The following MAP3K15 variants were observed in gnomAD, a reference collection of about 807,000 sequenced individuals.
The protein encoded by MAP3K15 is MAPK/ERK kinase kinase 15.
In MAP3K15, 124 loss-of-function variants were observed where a neutral mutation model predicts 99.5. That is an observed-to-expected ratio of 1.25 (90% confidence interval 1.08 to 1.45). The LOEUF is 1.45. Among genes scored for constraint, MAP3K15 ranks in the 40% most tolerant of loss-of-function variants. The pLI is 0.00. For missense variants in MAP3K15, 1,242 were observed against 1,079.7 expected (o/e 1.15, Z -2.11); for synonymous variants, 494 against 439.6 (o/e 1.12, Z -1.55).
chrX:19,473,354 G>A (rs894462563), intron 3 of MAP3K15, among the ~76,000 whole-genome samples: 1 of 112,003 alleles, frequency 8.9e-6, no homozygotes, highest in Non-Finnish European at 1.9e-5. Flanking sequence ...ACATCTTCAA[G>A]TGATGGAACA....
intron 1 of MAP3K15, among the ~76,000 whole-genome samples, chrX:19,501,117 C>T (rs973442990): frequency 9.0e-6 from 1 of 111,434 alleles, no homozygotes; most frequent in African/African-American, 3.3e-5. Flanking sequence ...CAACAGAAGA[C>T]AGCTGAGGTC....
At chrX:19,408,048 T>C (rs1408067974) in intron 12 of MAP3K15, among the ~76,000 whole-genome samples, 2 of 112,431 alleles carry the variant, frequency 1.8e-5, no homozygotes, top group Admixed American at 1.9e-4. Context: ...TGACAAACAC[T>C]GGGTTGGAAC....
intron 27 of MAP3K15, 30 bp from the exon 28 acceptor site, chrX:19,361,445 G>C (rs781550393): frequency 1.4e-5 from 17 of 1,187,425 alleles, no homozygotes; most frequent in Non-Finnish European, 1.9e-5. Context: ...CTTAAGAGCT[G>C]AGCAGCTGTG....
chrX:19,492,004 A>T (rs1217068337), intron 1 of MAP3K15, among the ~76,000 whole-genome samples: 31 of 104,453 alleles, frequency 3.0e-4, no homozygotes, highest in African/African-American at 1.0e-3. Context: ...TTTTTTTTTT[A>T]AACAGAGATG....
chrX:19,478,932 C>A (rs1267182105), intron 3 of MAP3K15, among the ~76,000 whole-genome samples: 4 of 31,469 alleles, frequency 1.3e-4, no homozygotes, highest in Admixed American at 4.8e-4. Context: ...CCCAGTAATT[C>A]TCCTGGGGGA....
In MAP3K15 at chrX:19,460,054, G is replaced by A; in HGVS notation, c.819C>T (p.Arg273=). 1.7e-6 allele frequency: 2 copies of A among 1,195,564 alleles called. No homozygotes were observed. Among genetic ancestry groups the A allele is most frequent in the African/African-American group, 1.7e-5 (1 of 57,703 alleles). ...AGGTCAGAACCTCAGTATTATCCAT[G>A]CGGAGCTTGATCCGAGCTAGCTCCT... ...LAKELARIKL[R]MDNTEVLTSD... Residue 273 remains arginine, a synonymous_variant, in exon 5 of 29, where the codon CGC becomes CGT. Transcript: ENST00000338883.
intron 3 of MAP3K15, among the ~76,000 whole-genome samples, chrX:19,480,207 G>C (rs775104834): frequency 4.5e-5 from 5 of 111,648 alleles, no homozygotes; most frequent in Non-Finnish European, 9.4e-5. Context: ...GTCAATACCA[G>C]CCAAGCAATC....
chrX:19,363,082 G>A (rs2063305572), intron 25 of MAP3K15, among the ~76,000 whole-genome samples: 1 of 111,996 alleles, frequency 8.9e-6, no homozygotes, highest in Non-Finnish European at 1.9e-5. Flanking sequence ...GACAACAAAG[G>A]CCAGTGCTCA....
chrX:19,382,455 T>C (rs73455603), intron 18 of MAP3K15, among the ~76,000 whole-genome samples: 42 of 111,753 alleles, frequency 3.8e-4, no homozygotes, highest in Middle Eastern at 4.6e-3. Context: ...ACTAGCCTCA[T>C]ATATTTGACT....
chrX:19,390,311 T>C (rs1167110107), intron 18 of MAP3K15, among the ~76,000 whole-genome samples: 3 of 89,671 alleles, frequency 3.3e-5, no homozygotes, highest in African/African-American at 1.3e-4. Context: ...TTCTTTTTTT[T>C]TTTTTTTTTT....
rs752501228 is a variant in MAP3K15 at position 19,463,898 on chromosome X, C to A, written c.719+315G>T. On this transcript the variant is annotated intron_variant, in intron 4 of 28. Transcript: ENST00000338883. The stretch of plus-strand genomic sequence containing the variant: ...ACAGGATCTCAGAGCTGAAAGAGAT[C>A]GTTAAAAAAAAAAAAATCACTGACA... Among the ~76,000 whole-genome samples the A allele has an allele frequency of 3.7e-5, 4 of 107,245 alleles. No individual in the cohort carries two copies. In the East Asian group the frequency reaches 8.7e-4, roughly 23 times the overall value. 93.1% of individuals were successfully genotyped at this position (107,245 alleles called of 115,157 possible). A position where few individuals can be genotyped will look rare whatever the true frequency, so the allele number is the denominator to read the frequency against.
chrX:19,490,852 T>A (rs1008002117), intron 1 of MAP3K15, among the ~76,000 whole-genome samples: 2 of 111,558 alleles, frequency 1.8e-5, no homozygotes, highest in African/African-American at 6.5e-5. Context: ...ATAATGAGCA[T>A]GTTTAAATTA....
Position 19,413,330 on chromosome X carries a change from A to C in MAP3K15, c.1698+27T>G, listed in dbSNP as rs760729676. 1.8e-5 allele frequency: 20 copies of C among 1,117,384 alleles called. No homozygotes were observed. The South Asian group carries it at 3.8e-4, about 21-fold the overall frequency. The allele number at this position is 1,117,384 out of a possible 1,213,427, so 92.1% of individuals were successfully genotyped here. On this transcript the variant is annotated intron_variant, in intron 11 of 28. Coordinates refer to ENST00000338883, the MANE Select transcript of MAP3K15 (RefSeq NM_001001671.4). ...AGACTCTCCTATTTGAAAACTGATT[A>C]AATTGCTTGTGATTTTTCCTCCTTA... is the stretch of plus-strand genomic sequence containing the variant.
At position 19,491,565 on chromosome X, in the gene MAP3K15, G is replaced by A. The variant is rs115239744; in HGVS notation, c.362-2598C>T. On this transcript the variant is annotated intron_variant, in intron 1 of 28. Coordinates refer to ENST00000338883, the MANE Select transcript of MAP3K15 (RefSeq NM_001001671.4). ...TGCAAGGGGCCAGCAGCAAGCCAGG[G>A]TGTAAGTGTGAAGGCCACCCACATA... Among the ~76,000 whole-genome samples the A allele has an allele frequency of 5.1e-3, 570 of 110,704 alleles. 6 individuals are homozygous for A. The highest frequency in any genetic ancestry group is 0.028 in the South Asian group (71 of 2,542).
At chrX:19,495,554 T>G (rs1300104354) in intron 1 of MAP3K15, among the ~76,000 whole-genome samples, 1 of 111,024 alleles carries the variant, frequency 9.0e-6, no homozygotes, top group Non-Finnish European at 1.9e-5. Context: ...AATCTTTTGT[T>G]TTTTTTTCAA....
intron 13 of MAP3K15, among the ~76,000 whole-genome samples, chrX:19,401,772 C>T (rs765708566): frequency 3.6e-5 from 4 of 112,173 alleles, no homozygotes; most frequent in East Asian, 5.6e-4. Context: ...TATTTGGATA[C>T]AAGTCATCTT....
chrX:19,370,979 G>A lies in MAP3K15; in HGVS notation c.3380C>T (p.Ala1127Val), dbSNP rs754172834. Reference protein sequence around the residue: ...DNIIRRAVQAAVTILIPELRA... With the variant: ...DNIIRRAVQAVVTILIPELRA... ...CTCACCTGGGATGAGAATGGTGACC[G>A]CGGCCTGCACCGCTCGGCGGATGAT... The change falls in exon 24 of 29, where the codon GCG becomes GTG. Residue 1127 changes from alanine to valine, a missense_variant. Transcript: ENST00000338883. 7 of 1,186,179 alleles carry A rather than the reference G, an allele frequency of 5.9e-6. No individual in the cohort carries two copies. The highest frequency in any genetic ancestry group is 1.9e-5 in the South Asian group (1 of 53,368).
intron 3 of MAP3K15, among the ~76,000 whole-genome samples, chrX:19,473,656 G>A (rs2064221998): frequency 9.0e-6 from 1 of 111,677 alleles, no homozygotes; most frequent in African/African-American, 3.3e-5. Context: ...GAAGTCAGAG[G>A]CCCAAGGAAA....
intron 5 of MAP3K15, 52 bp from the exon 6 acceptor site, chrX:19,457,071 T>C: frequency 3.1e-5 from 28 of 891,346 alleles, no homozygotes; most frequent in East Asian, 2.2e-4. Context: ...AGCTCTTCAC[T>C]GATTTTTCTG....
Sources: allele counts gnomAD v4.1 joint callset (sites outside exome capture counted in the v4.1 genomes callset), GRCh38; gene constraint gnomAD v4.1.1; transcripts MANE v1.5; gene names NCBI Gene and HGNC (gene_info 2026-07-23, HGNC 2026-07-21).